Variants in EXOC6B observed in about 807,000 individuals in gnomAD.
EXOC6B encodes SEC15 homolog B.
Under a neutral mutation model 113.5 loss-of-function variants are expected in EXOC6B, and 54 were observed. The ratio of observed to expected loss-of-function variants is 0.48; its 90% CI spans 0.38 to 0.60. The LOEUF is 0.60. Ranked by LOEUF, EXOC6B falls within the 20% of genes least tolerant of loss-of-function variation. The pLI is 0.00. For missense variants in EXOC6B, 797 were observed against 977.5 expected (o/e 0.82, Z 2.46); for synonymous variants, 357 against 339.0 (o/e 1.05, Z -0.58).
intron 18 of EXOC6B, among the ~76,000 whole-genome samples, chr2:72,440,349 T>C (rs1696128859): frequency 1.3e-5 from 2 of 151,986 alleles, no homozygotes; most frequent in Admixed American, 6.5e-5. Flanking sequence ...ACAGTGAAAC[T>C]CTCATTGGAA....
chr2:72,234,006 G>A (rs1035534800), intron 20 of EXOC6B, among the ~76,000 whole-genome samples: 4 of 152,164 alleles, frequency 2.6e-5, no homozygotes, highest in African/African-American at 9.7e-5. Flanking sequence ...CTGGTAGCCA[G>A]GTGGGCAATG....
chr2:72,327,101 A>G (rs1411354783), intron 20 of EXOC6B, among the ~76,000 whole-genome samples: 2 of 152,080 alleles, frequency 1.3e-5, no homozygotes, highest in Non-Finnish European at 2.9e-5. Context: ...CATATCTGCC[A>G]TTTATGATAG....
intron 5 of EXOC6B, among the ~76,000 whole-genome samples, chr2:72,723,129 A>T (rs767270836): frequency 6.6e-6 from 1 of 152,232 alleles, no homozygotes; most frequent in Non-Finnish European, 1.5e-5. Flanking sequence ...GAAAAAAAAT[A>T]TGTCCAGTGA....
intron 1 of EXOC6B, among the ~76,000 whole-genome samples, chr2:72,753,836 A>G (rs1682218235): frequency 6.6e-6 from 1 of 152,114 alleles, no homozygotes; most frequent in East Asian, 1.9e-4. Flanking sequence ...ATTCCTACTC[A>G]TCTTTCAAGG....
intron 6 of EXOC6B, among the ~76,000 whole-genome samples, chr2:72,576,100 G>A (rs1359876622): frequency 6.6e-6 from 1 of 152,082 alleles, no homozygotes; most frequent in East Asian, 1.9e-4. Context: ...ATGCTTGGAG[G>A]AAAAAGGGTG....
intron 17 of EXOC6B, among the ~76,000 whole-genome samples, chr2:72,476,064 T>C (rs1478977636): frequency 1.3e-5 from 2 of 152,200 alleles, no homozygotes; most frequent in African/African-American, 4.8e-5. Flanking sequence ...TTAGGTCTCA[T>C]GGAATGTGTG....
At chr2:72,371,121 T>C (rs576126495) in intron 19 of EXOC6B, among the ~76,000 whole-genome samples, 4 of 151,560 alleles carry the variant, frequency 2.6e-5, no homozygotes, top group South Asian at 4.2e-4. Flanking sequence ...CACAGTAGGA[T>C]AGGGCACCAG....
intron 1 of EXOC6B, among the ~76,000 whole-genome samples, chr2:72,764,364 C>CTTTTTTTTTTTTTTTTTTTTTTTTTTTTT: frequency 1.5e-5 from 1 of 66,770 alleles, no homozygotes; most frequent in Non-Finnish European, 2.7e-5. Context: ...TATTTTCTCT[C>CTTTTTTTTTTTTTTTTTTTTTTTTTTTTT]TTTTTTTTTT....
chr2:72,430,416 A>G (rs1695456787), intron 18 of EXOC6B, among the ~76,000 whole-genome samples: 1 of 152,234 alleles, frequency 6.6e-6, no homozygotes, highest in Non-Finnish European at 1.5e-5. Flanking sequence ...CGGGTGGATC[A>G]CTTGAGGTCA....
intron 1 of EXOC6B, among the ~76,000 whole-genome samples, chr2:72,754,799 T>G (rs903282114): frequency 2.0e-5 from 3 of 151,580 alleles, no homozygotes; most frequent in Non-Finnish European, 2.9e-5. Context: ...AATTTTTTTT[T>G]GCAGAGATGG....
At chr2:72,755,438 G>A (rs1682350198) in intron 1 of EXOC6B, among the ~76,000 whole-genome samples, 1 of 152,096 alleles carries the variant, frequency 6.6e-6, no homozygotes, top group African/African-American at 2.4e-5. Flanking sequence ...AACAATGGCT[G>A]TATCCCACAG....
intron 20 of EXOC6B, among the ~76,000 whole-genome samples, chr2:72,215,738 T>C (rs1047261076): frequency 2.0e-5 from 3 of 152,094 alleles, no homozygotes; most frequent in African/African-American, 7.2e-5. Context: ...TTAGGAGACT[T>C]CTTTATAGAC....
intron 6 of EXOC6B, among the ~76,000 whole-genome samples, chr2:72,646,835 G>A (rs1673758343): frequency 6.6e-6 from 1 of 152,088 alleles, no homozygotes; most frequent in African/African-American, 2.4e-5. Flanking sequence ...CAAACCCACA[G>A]CCAATATCAT....
rs530407482 is a variant in EXOC6B at position 72,410,538 on chromosome 2, T to C, written c.1981-30668A>G. 1.1e-4 allele frequency among the ~76,000 whole-genome samples: 16 copies of C among 152,278 alleles called. No homozygotes were observed. In the South Asian group the frequency reaches 2.9e-3, roughly 28 times the overall value. ...GCAATTTTATCAGGTGAAAGTCAAA[T>C]CAGCTTACCAAACAGTATGAAAACA... On this transcript the variant is annotated intron_variant, in intron 18 of 21. Transcript: ENST00000272427.
At chr2:72,368,426 A>G (rs1040412865) in intron 19 of EXOC6B, among the ~76,000 whole-genome samples, 10 of 151,836 alleles carry the variant, frequency 6.6e-5, no homozygotes, top group Non-Finnish European at 1.5e-5. Flanking sequence ...GCCAAATTCT[A>G]CCAGAGGTAC....
intron 2 of EXOC6B, 60 bp downstream of exon 2, chr2:72,741,244 T>C (rs1681302206): frequency 6.6e-7 from 1 of 1,507,870 alleles, no homozygotes; most frequent in Non-Finnish European, 9.0e-7. Context: ...CTTAATCCTT[T>C]AATCCTAATC....
At chr2:72,285,355 C>T (rs1042409223) in intron 20 of EXOC6B, among the ~76,000 whole-genome samples, 2 of 151,930 alleles carry the variant, frequency 1.3e-5, no homozygotes, top group Admixed American at 6.6e-5. Context: ...AAAGATAGAC[C>T]TCTGATGAGC....
At chr2:72,797,983 A>G (rs933563029) in intron 1 of EXOC6B, among the ~76,000 whole-genome samples, 1 of 152,164 alleles carries the variant, frequency 6.6e-6, no homozygotes, top group Non-Finnish European at 1.5e-5. Flanking sequence ...CCTTGAGAAG[A>G]AAAATATATC....
chr2:72,227,481 A>C (rs1681317227), intron 20 of EXOC6B, among the ~76,000 whole-genome samples: 1 of 152,214 alleles, frequency 6.6e-6, no homozygotes, highest in Non-Finnish European at 1.5e-5. Context: ...AAACTATTAT[A>C]AGGGTAAACT....
Sources: allele counts gnomAD v4.1 joint callset (sites outside exome capture counted in the v4.1 genomes callset), GRCh38; gene constraint gnomAD v4.1.1; transcripts MANE v1.5; gene names NCBI Gene and HGNC (gene_info 2026-07-23, HGNC 2026-07-21).